ANKFN1: variants seen among roughly 807,000 people sequenced by gnomAD.
ANKFN1 encodes ankyrin repeat and fibronectin type III domain containing 1.
Under a neutral mutation model 108.7 loss-of-function variants are expected in ANKFN1, and 74 were observed. The observed-to-expected ratio is 0.68, with a 90% CI of 0.56 to 0.83. The LOEUF (loss-of-function observed/expected upper bound fraction) is 0.83, where lower values mean the gene tolerates loss of function less well. ANKFN1 is among the 40% of genes least tolerant of loss of function. The pLI is 0.00. For synonymous variants in ANKFN1, 547 were observed against 516.2 expected, an observed-to-expected ratio of 1.06 and a Z score of -0.81; for missense variants, 1,505 against 1,382.3, an observed-to-expected ratio of 1.09 and a Z score of -1.41.
chr17:56,395,648 A>G (rs1212040882), intron 8 of ANKFN1, among the ~76,000 whole-genome samples: 1 of 152,194 alleles, frequency 6.6e-6, no homozygotes, highest in Non-Finnish European at 1.5e-5. Flanking sequence ...CAAGAGTTCG[A>G]GACCAGCCTG....
chr17:56,340,092 T>C (rs775745931), intron 4 of ANKFN1, among the ~76,000 whole-genome samples: 1 of 152,218 alleles, frequency 6.6e-6, no homozygotes, highest in Admixed American at 6.5e-5. Context: ...GTTGGCTGCA[T>C]GTATGTCTTC....
chr17:56,206,626 G>A (rs1245924640), intron 1 of ANKFN1: 1 of 152,168 alleles, frequency 6.6e-6, no homozygotes, highest in Non-Finnish European at 1.5e-5. Flanking sequence ...AAATGTTTTT[G>A]GTTTCAGTTT....
Position 56,131,791 on chromosome 17 carries a change from C to T in ANKFN1, c.288+85466C>T, listed in dbSNP as rs1282042554. Among the ~76,000 whole-genome samples, 5 of 152,024 alleles carry T rather than the reference C, an allele frequency of 3.3e-5. No individual in the cohort carries two copies. In the East Asian group the frequency reaches 5.8e-4, roughly 18 times the overall value. ...CTGTAACCCCAGCATTTTGGAAGGC[C>T]GAGACAGGATTTCTTGAGCCCAGGA... is the stretch of plus-strand genomic sequence containing the variant. On this transcript the variant is annotated intron_variant, in intron 4 of 12. Coordinates refer to the ANKFN1 transcript ENST00000635860.
At chr17:56,172,776 G>A (rs545326786) in intron 1 of ANKFN1, among the ~76,000 whole-genome samples, 1 of 152,278 alleles carries the variant, frequency 6.6e-6, no homozygotes, top group South Asian at 2.1e-4. Flanking sequence ...GCTGGCTCTT[G>A]TCCCACGCTG....
At chr17:56,192,009 C>T (rs1247467247) in intron 1 of ANKFN1, among the ~76,000 whole-genome samples, 3 of 152,050 alleles carry the variant, frequency 2.0e-5, no homozygotes, top group Non-Finnish European at 4.4e-5. Context: ...ATCGCATCGG[C>T]TCCTGAGGCT....
chr17:56,061,550 G>A (rs547630416), intron 4 of ANKFN1, among the ~76,000 whole-genome samples: 1 of 152,190 alleles, frequency 6.6e-6, no homozygotes, highest in Admixed American at 6.5e-5. Context: ...TGGGATTACA[G>A]GCATGAGCCA....
chr17:56,185,504 G>A lies in ANKFN1; in HGVS notation c.-70-27094G>A, dbSNP rs561297034. 2.6e-5 allele frequency among the ~76,000 whole-genome samples: 4 copies of A among 152,238 alleles called. No individual in the cohort carries two copies. The South Asian group carries it at 8.3e-4, about 32-fold the overall frequency. On this transcript the variant is annotated intron_variant, in intron 1 of 20. Coordinates refer to ENST00000682825, the MANE Select transcript of ANKFN1 (RefSeq NM_001370326.1). ...CTGTCGAAGAATGGGTCAGAGCAGGGCTGGTTGTTCCAAAAATGGCCTACA... is the reference window on the plus strand; with the variant it reads ...CTGTCGAAGAATGGGTCAGAGCAGGACTGGTTGTTCCAAAAATGGCCTACA...
At chr17:56,244,343 A>T (rs955520846) in intron 3 of ANKFN1, among the ~76,000 whole-genome samples, 1 of 152,250 alleles carries the variant, frequency 6.6e-6, no homozygotes, top group South Asian at 2.1e-4. Flanking sequence ...GTAAGGGAAT[A>T]TTTCCTCAGT....
chr17:56,150,686 C>T (rs888422433), upstream of ANKFN1, among the ~76,000 whole-genome samples: 6 of 152,062 alleles, frequency 3.9e-5, no homozygotes, highest in Admixed American at 2.0e-4. Flanking sequence ...TGATGAATGC[C>T]GAGCACCAAA....
At chr17:56,282,292 TTGTGTGTGTG>T (rs112336440) in intron 3 of ANKFN1, among the ~76,000 whole-genome samples, 4 of 147,832 alleles carry the variant, frequency 2.7e-5, no homozygotes, top group Admixed American at 1.4e-4. Context: ...GTGTGTGTGT[TTGTGTGTGTG>T]TGTGTGTGTG....
chr17:56,175,862 G>A (rs990150806), intron 1 of ANKFN1, among the ~76,000 whole-genome samples: 1 of 121,100 alleles, frequency 8.3e-6, no homozygotes, highest in Non-Finnish European at 1.6e-5. Flanking sequence ...TGCAGCCACA[G>A]TTTACACTCC....
intron 4 of ANKFN1, among the ~76,000 whole-genome samples, chr17:56,102,119 G>A (rs1334034075): frequency 1.3e-5 from 2 of 152,144 alleles, no homozygotes; most frequent in Non-Finnish European, 2.9e-5. Flanking sequence ...TACTAGTGAA[G>A]CCACATCCTA....
intron 1 of ANKFN1, among the ~76,000 whole-genome samples, chr17:56,191,836 C>T (rs1307841462): frequency 4.0e-5 from 6 of 149,712 alleles, no homozygotes; most frequent in Non-Finnish European, 7.4e-5. Context: ...TTCTCCGCAT[C>T]ACTTTCAGGT....
chr17:56,050,601 T>G (rs1327531645), intron 4 of ANKFN1, among the ~76,000 whole-genome samples: 2 of 150,862 alleles, frequency 1.3e-5, no homozygotes, highest in Non-Finnish European at 3.0e-5. Flanking sequence ...AGTTTCAGCT[T>G]CCTACGTATG....
chr17:56,233,069 G>A (rs554439742), intron 3 of ANKFN1, among the ~76,000 whole-genome samples: 10 of 151,872 alleles, frequency 6.6e-5, no homozygotes, highest in Non-Finnish European at 1.5e-4. Flanking sequence ...GTGTTTGTGA[G>A]GCATGTAAAT....
intron 1 of ANKFN1, among the ~76,000 whole-genome samples, chr17:56,166,778 TATAACATTTATTG>T (rs1374217473): frequency 6.6e-6 from 1 of 152,172 alleles, no homozygotes; most frequent in Non-Finnish European, 1.5e-5. Context: ...TTTGTTTAGT[TATAACATTTATTG>T]ATGACAAACC....
chr17:56,351,461 C>A (rs2046247134), intron 5 of ANKFN1, among the ~76,000 whole-genome samples: 1 of 150,272 alleles, frequency 6.7e-6, no homozygotes. Context: ...AAAAAAACAA[C>A]TAGGAAAAGA....
intron 4 of ANKFN1, among the ~76,000 whole-genome samples, chr17:56,342,227 C>CTTT (rs140624562): frequency 0.013 from 1,880 of 145,278 alleles, 51 homozygotes; most frequent in African/African-American, 0.045. Flanking sequence ...AATGGTTTAT[C>CTTT]TTTTTTTTTT....
chr17:56,149,290 T>C (rs1567804871), upstream of ANKFN1, among the ~76,000 whole-genome samples: 1 of 152,008 alleles, frequency 6.6e-6, no homozygotes, highest in Non-Finnish European at 1.5e-5. Flanking sequence ...TGAATAGTAA[T>C]AGGAATTTGA....
Sources: allele counts gnomAD v4.1 joint callset (sites outside exome capture counted in the v4.1 genomes callset), GRCh38; gene constraint gnomAD v4.1.1; transcripts MANE v1.5; gene names NCBI Gene and HGNC (gene_info 2026-07-23, HGNC 2026-07-21).